The following INPP4B variants were observed in gnomAD, a reference collection of about 807,000 sequenced individuals.
INPP4B encodes inositol polyphosphate 4-phosphatase type II.
INPP4B carries 55 observed loss-of-function variants against 122.5 expected under a neutral mutation model. The observed-to-expected ratio is 0.45, with a 90% CI of 0.36 to 0.56. The LOEUF (loss-of-function observed/expected upper bound fraction) is 0.56, where lower values mean the gene tolerates loss of function less well. INPP4B is among the 20% of genes least tolerant of loss of function. INPP4B has a pLI of 0.00. For synonymous variants in INPP4B, 403 were observed against 388.7 expected (o/e 1.04, Z -0.43); for missense variants, 1,000 against 1,097.7 (o/e 0.91, Z 1.26).
intron 1 of INPP4B, among the ~76,000 whole-genome samples, chr4:142,752,996 T>C (rs569147832): frequency 6.6e-6 from 1 of 152,224 alleles, no homozygotes; most frequent in South Asian, 2.1e-4. Flanking sequence ...ATAAATAATT[T>C]CTTGCACACC....
At chr4:142,569,293 A>ATTT (rs141880193) in intron 2 of INPP4B, among the ~76,000 whole-genome samples, 1,659 of 144,052 alleles carry the variant, frequency 0.012, 7 homozygotes, top group Middle Eastern at 0.029. Context: ...ATAAACATGG[A>ATTT]TTTTTTTTTT....
intron 12 of INPP4B, among the ~76,000 whole-genome samples, chr4:142,236,310 A>C (rs1856682209): frequency 6.6e-6 from 1 of 152,184 alleles, no homozygotes; most frequent in Non-Finnish European, 1.5e-5. Context: ...TTATGCTTCT[A>C]CTGTAATACA....
intron 1 of INPP4B, among the ~76,000 whole-genome samples, chr4:142,822,604 T>C (rs1026212387): frequency 6.6e-6 from 1 of 151,856 alleles, no homozygotes; most frequent in South Asian, 2.1e-4. Context: ...TGTTTCATCC[T>C]AAAACCATCT....
At chr4:142,310,677 CT>C (rs58821770) in intron 8 of INPP4B, among the ~76,000 whole-genome samples, 5,432 of 143,108 alleles carry the variant, frequency 0.038, 286 homozygotes, top group African/African-American at 0.12. Context: ...AGCCCCAGTA[CT>C]TTTTTTTTTT....
At chr4:142,722,764 T>G (rs1764852513) in intron 2 of INPP4B, among the ~76,000 whole-genome samples, 1 of 152,174 alleles carries the variant, frequency 6.6e-6, no homozygotes, top group Non-Finnish European at 1.5e-5. Context: ...TTGTATGGTA[T>G]ATATCAGACA....
At chr4:142,842,242 T>C (rs1031940976) in intron 1 of INPP4B, among the ~76,000 whole-genome samples, 2 of 151,710 alleles carry the variant, frequency 1.3e-5, no homozygotes, top group Admixed American at 6.6e-5. Context: ...ATACAGAAGA[T>C]AGAATTTACT....
chr4:142,329,264 C>G (rs1561862485), intron 7 of INPP4B, among the ~76,000 whole-genome samples: 1 of 152,276 alleles, frequency 6.6e-6, no homozygotes, highest in East Asian at 1.9e-4. Context: ...TGATTCAGAC[C>G]TGCATAACGC....
At chr4:142,696,259 C>T (rs1761007102) in intron 2 of INPP4B, among the ~76,000 whole-genome samples, 1 of 151,986 alleles carries the variant, frequency 6.6e-6, no homozygotes, top group African/African-American at 2.4e-5. Flanking sequence ...TGTGCCTGGT[C>T]CTACTAGCAT....
chr4:142,236,173 C>T (rs1388762431), intron 12 of INPP4B, among the ~76,000 whole-genome samples: 1 of 152,184 alleles, frequency 6.6e-6, no homozygotes, highest in Non-Finnish European at 1.5e-5. Flanking sequence ...CTACTGTCTT[C>T]AACCCTTCAG....
chr4:142,736,749 G>C (rs546693532), intron 1 of INPP4B, among the ~76,000 whole-genome samples: 3 of 152,246 alleles, frequency 2.0e-5, no homozygotes, highest in Admixed American at 6.5e-5. Context: ...TGCAAACAGG[G>C]ACAATTTGAC....
chr4:142,701,262 T>C (rs923559031), intron 2 of INPP4B, among the ~76,000 whole-genome samples: 5 of 152,092 alleles, frequency 3.3e-5, no homozygotes, highest in African/African-American at 2.4e-5. Context: ...TTGGTCTCCA[T>C]ACTGGTTAGT....
intron 15 of INPP4B, among the ~76,000 whole-genome samples, chr4:142,182,732 C>T (rs1392906615): frequency 6.6e-6 from 1 of 151,916 alleles, no homozygotes; most frequent in African/African-American, 2.4e-5. Context: ...TGGCATTTAC[C>T]CGGTTATAGA....
intron 2 of INPP4B, among the ~76,000 whole-genome samples, chr4:142,535,286 G>A (rs1828053999): frequency 6.6e-6 from 1 of 152,156 alleles, no homozygotes; most frequent in East Asian, 1.9e-4. Flanking sequence ...ACAGAGCTGG[G>A]TACATCTGCT....
intron 12 of INPP4B, among the ~76,000 whole-genome samples, chr4:142,214,036 A>G (rs1360230980): frequency 6.6e-6 from 1 of 152,206 alleles, no homozygotes; most frequent in Non-Finnish European, 1.5e-5. Flanking sequence ...CAATGGATCC[A>G]ATGTTCCAAA....
At chr4:142,394,024 G>A (rs1798545023) in intron 7 of INPP4B, among the ~76,000 whole-genome samples, 1 of 152,198 alleles carries the variant, frequency 6.6e-6, no homozygotes, top group Non-Finnish European at 1.5e-5. Flanking sequence ...TGGATCATAT[G>A]GCAGTAGATA....
At chr4:142,319,948 G>A (rs963316571) in intron 7 of INPP4B, among the ~76,000 whole-genome samples, 2 of 152,140 alleles carry the variant, frequency 1.3e-5, no homozygotes, top group Non-Finnish European at 2.9e-5. Flanking sequence ...CAAATCTCAC[G>A]AGGCTGAAAT....
intron 8 of INPP4B, among the ~76,000 whole-genome samples, chr4:142,312,274 T>C (rs3775700): frequency 0.31 from 46,444 of 151,962 alleles, 8,353 homozygotes; most frequent in African/African-American, 0.51. Context: ...CCACAATATA[T>C]CCAGTTAATA....
chr4:142,290,580 G>A (rs1756018408), intron 9 of INPP4B, among the ~76,000 whole-genome samples: 1 of 152,022 alleles, frequency 6.6e-6, no homozygotes, highest in Admixed American at 6.6e-5. Context: ...ACTGTTCCTC[G>A]AATATACCAA....
chr4:142,227,833 G>A (rs1463372059), intron 12 of INPP4B, among the ~76,000 whole-genome samples: 1 of 140,288 alleles, frequency 7.1e-6, no homozygotes, highest in Non-Finnish European at 1.5e-5. Context: ...ACTCCAGCCT[G>A]GGCAACAGAG....
Sources: gnomAD v4.1 joint callset for allele counts (sites outside exome capture counted in the v4.1 genomes callset) on GRCh38, gnomAD v4.1.1 for gene constraint, MANE v1.5 for transcripts, NCBI Gene and HGNC (gene_info 2026-07-23, HGNC 2026-07-21) for gene names.